The following MSI2 variants were observed in gnomAD, a reference collection of about 807,000 sequenced individuals.
The protein encoded by MSI2 is RNA-binding protein Musashi homolog 2.
MSI2 carries 17 observed loss-of-function variants against 45.6 expected under a neutral mutation model. The ratio of observed to expected loss-of-function variants is 0.37; its 90% CI spans 0.26 to 0.56. The LOEUF is 0.56. Ranked by LOEUF, MSI2 falls within the 20% of genes least tolerant of loss-of-function variation. The probability of loss-of-function intolerance (pLI) is 0.77; values close to 1 mark genes in which losing one functional copy is unlikely to be tolerated. For synonymous variants in MSI2, 156 were observed against 158.2 expected (o/e 0.99, Z 0.11); for missense variants, 293 against 444.2 (o/e 0.66, Z 3.06).
intron 6 of MSI2, among the ~76,000 whole-genome samples, chr17:57,418,362 G>A (rs1460039108): frequency 1.3e-5 from 2 of 152,212 alleles, no homozygotes; most frequent in Non-Finnish European, 1.5e-5. Flanking sequence ...TCCTTTTAAT[G>A]TAGGCACATG....
At chr17:57,660,987 C>G (rs187129051) in intron 11 of MSI2, among the ~76,000 whole-genome samples, 4 of 152,246 alleles carry the variant, frequency 2.6e-5, no homozygotes, top group Non-Finnish European at 5.9e-5. Flanking sequence ...GCTTTGACAA[C>G]ATTGTCCAGG....
intron 7 of MSI2, among the ~76,000 whole-genome samples, chr17:57,574,982 C>G (rs967030014): frequency 1.3e-5 from 2 of 152,116 alleles, no homozygotes; most frequent in African/African-American, 4.8e-5. Context: ...AGGTGCCCAC[C>G]ACCACGCCCG....
chr17:57,343,995 G>T (rs949403957), intron 5 of MSI2, among the ~76,000 whole-genome samples: 1 of 152,178 alleles, frequency 6.6e-6, no homozygotes, highest in African/African-American at 2.4e-5. Flanking sequence ...ACCTGGTCAA[G>T]GTGTTGTTAG....
At chr17:57,453,618 A>G (rs2085058880) in intron 6 of MSI2, among the ~76,000 whole-genome samples, 2 of 152,230 alleles carry the variant, frequency 1.3e-5, no homozygotes, top group Admixed American at 1.3e-4. Context: ...TGTGTACAGC[A>G]TATACCTTGT....
intron 6 of MSI2, among the ~76,000 whole-genome samples, chr17:57,443,699 A>G (rs1390604145): frequency 6.6e-5 from 10 of 152,082 alleles, no homozygotes; most frequent in Admixed American, 6.5e-4. Flanking sequence ...CAGGCTTGTC[A>G]GGGGGTCAGC....
chr17:57,436,507 GA>G (rs1365137342), intron 6 of MSI2, among the ~76,000 whole-genome samples: 6 of 152,236 alleles, frequency 3.9e-5, no homozygotes, highest in Non-Finnish European at 8.8e-5. Context: ...CTGCTGGGTG[GA>G]TGTGGGGAGA....
At chr17:57,695,042 T>C in the MSI2 span, among the ~76,000 whole-genome samples, 1 of 152,156 alleles carries the variant, frequency 6.6e-6, no homozygotes, top group Non-Finnish European at 1.5e-5. Flanking sequence ...TGAGGAAAAA[T>C]CATCAAATCA....
chr17:57,693,228 G>T, the MSI2 span, among the ~76,000 whole-genome samples: 1 of 143,786 alleles, frequency 7.0e-6, no homozygotes, highest in South Asian at 2.3e-4. Context: ...TGTCGCCCAG[G>T]CCAGAGTGCA....
chr17:57,340,595 C>G (rs1915053101), intron 5 of MSI2, among the ~76,000 whole-genome samples: 1 of 152,144 alleles, frequency 6.6e-6, no homozygotes, highest in South Asian at 2.1e-4. Flanking sequence ...AGAGGATCCC[C>G]ATCATTGTGG....
intron 5 of MSI2, among the ~76,000 whole-genome samples, chr17:57,377,341 T>A (rs1228261029): frequency 1.3e-5 from 2 of 152,250 alleles, no homozygotes; most frequent in Non-Finnish European, 2.9e-5. Context: ...GGGCATCCAC[T>A]TCTTTCCTTA....
chr17:57,443,743 G>A (rs2084844772), intron 6 of MSI2, among the ~76,000 whole-genome samples: 2 of 152,138 alleles, frequency 1.3e-5, no homozygotes, highest in African/African-American at 4.8e-5. Flanking sequence ...GTGTCCTTGG[G>A]CAAAGCTTTT....
At position 57,502,368 on chromosome 17, in the gene MSI2, G is replaced by A. The variant is rs532120379; in HGVS notation, c.406-27308G>A. Among the ~76,000 whole-genome samples the A allele has an allele frequency of 1.1e-4, 17 of 151,834 alleles. No individual in the cohort carries two copies. In the South Asian group the frequency reaches 3.3e-3, roughly 30 times the overall value. Reference sequence around the variant, plus strand: ...ATCCAGGTTCTTCTCCTCATAAGCAGGATGAACTTAGCCAAATTTCTCAGC... The same window carrying A: ...ATCCAGGTTCTTCTCCTCATAAGCAAGATGAACTTAGCCAAATTTCTCAGC... On this transcript the variant is annotated intron_variant, in intron 6 of 13. Transcript: ENST00000284073.
At chr17:57,308,045 G>C (rs1912063949) in intron 5 of MSI2, among the ~76,000 whole-genome samples, 1 of 152,306 alleles carries the variant, frequency 6.6e-6, no homozygotes, top group Non-Finnish European at 1.5e-5. Context: ...TCACTGAGAG[G>C]CAGTGGATTT....
chr17:57,615,738 C>A (rs1045830760), intron 8 of MSI2, among the ~76,000 whole-genome samples: 2 of 152,186 alleles, frequency 1.3e-5, no homozygotes, highest in Non-Finnish European at 2.9e-5. Context: ...TACGTCCTTG[C>A]CACCCCTCCA....
intron 7 of MSI2, chr17:57,531,887 G>A (rs1454101648): frequency 6.6e-6 from 1 of 152,256 alleles, no homozygotes; most frequent in East Asian, 1.9e-4. Flanking sequence ...TGTGGGTGAA[G>A]CCTCTTCCCT....
Position 57,596,224 on chromosome 17 carries a change from C to A in MSI2, c.455-644C>A, listed in dbSNP as rs985106545. 1.3e-5 allele frequency among the ~76,000 whole-genome samples: 2 copies of A among 152,212 alleles called. No homozygotes were observed. The highest frequency in any genetic ancestry group is 4.8e-5 in the African/African-American group (2 of 41,456). On this transcript the variant is annotated intron_variant, in intron 7 of 13. Transcript: ENST00000284073. This position sits in a 1 kb window ranked among gnomAD's most constrained non-coding sequence, Gnocchi z 4.6. Reference sequence around the variant, plus strand: ...TTCAGTGCAGCTTGTCTAGCAAAGCCGGTCTCCAGCAGAGTACATACAGTG... The same window carrying A: ...TTCAGTGCAGCTTGTCTAGCAAAGCAGGTCTCCAGCAGAGTACATACAGTG...
intron 6 of MSI2, among the ~76,000 whole-genome samples, chr17:57,514,364 G>C (rs1047113138): frequency 3.3e-5 from 5 of 152,180 alleles, no homozygotes; most frequent in African/African-American, 1.2e-4. Flanking sequence ...GGGAAGACAG[G>C]GGTGGACCAG....
rs2143153258 is a variant in MSI2 at position 57,407,312 on chromosome 17, C to T, written c.405+5841C>T. 6.6e-6 allele frequency among the ~76,000 whole-genome samples: 1 copy of T among 152,182 alleles called. No homozygotes were observed. Among genetic ancestry groups the T allele is most frequent in the South Asian group, 2.1e-4 (1 of 4,816 alleles). On this transcript the variant is annotated intron_variant, in intron 6 of 13. Coordinates refer to ENST00000284073, the MANE Select transcript of MSI2 (RefSeq NM_138962.4). The surrounding 1 kb of genome is among the most constrained non-coding windows in gnomAD (Gnocchi z 4.1). ...GCAGGTGCGAAGCTGCATTCATGGCCCCCACTCAGACACCCCTTTTGATAC... is the reference window on the plus strand; with the variant it reads ...GCAGGTGCGAAGCTGCATTCATGGCTCCCACTCAGACACCCCTTTTGATAC...
chr17:57,590,206 A>C (rs1241621791), intron 7 of MSI2, among the ~76,000 whole-genome samples: 1 of 152,136 alleles, frequency 6.6e-6, no homozygotes, highest in African/African-American at 2.4e-5. Flanking sequence ...AAGATGCATT[A>C]GATACTACAT....
Sources: gnomAD v4.1 joint callset for allele counts (sites outside exome capture counted in the v4.1 genomes callset) on GRCh38, gnomAD v4.1.1 for gene constraint, Gnocchi (gnomAD v3.1) non-coding constraint, MANE v1.5 for transcripts, NCBI Gene and HGNC (gene_info 2026-07-23, HGNC 2026-07-21) for gene names.